Variants in DZANK1 observed in about 807,000 individuals in gnomAD.
DZANK1 encodes double zinc ribbon and ankyrin repeat domains 1.
In DZANK1, 91 loss-of-function variants were observed where a neutral mutation model predicts 94.5. The ratio of observed to expected loss-of-function variants is 0.96; its 90% confidence interval spans 0.81 to 1.15. The LOEUF (loss-of-function observed/expected upper bound fraction) is 1.15, where lower values mean the gene tolerates loss of function less well. Ranked by LOEUF, DZANK1 falls within the 50% of genes most tolerant of loss-of-function variation. The pLI, the probability that DZANK1 is intolerant of heterozygous loss-of-function variation, is 0.00. For synonymous variants in DZANK1, 312 were observed against 325.3 expected, an observed-to-expected ratio of 0.96 and a Z score of 0.44; for missense variants, 903 against 916.4, an observed-to-expected ratio of 0.99 and a Z score of 0.19.
At chr20:18,461,158 T>G (rs1029797706) in intron 2 of DZANK1, among the ~76,000 whole-genome samples, 1 of 152,224 alleles carries the variant, frequency 6.6e-6, no homozygotes, top group Non-Finnish European at 1.5e-5. Context: ...CCAGAGGTTA[T>G]CAATGGTATC....
At chr20:18,406,526 G>A (rs1469947485) in intron 13 of DZANK1, among the ~76,000 whole-genome samples, 2 of 152,228 alleles carry the variant, frequency 1.3e-5, no homozygotes, top group Non-Finnish European at 2.9e-5. Flanking sequence ...AGGGCCCCTG[G>A]GCCCAAATAA....
rs138025737 is a variant in DZANK1 at position 18,400,402 on chromosome 20, C to T, written c.1433-1776G>A. ...CAGAGAAGCTAGGGGATCTGCTCCC[C>T]GGCTCCCTTGCCCATGAGTGAGGGC... On this transcript the variant is annotated intron_variant, in intron 13 of 20. Coordinates refer to ENST00000262547, the Ensembl canonical transcript of DZANK1. Among the ~76,000 whole-genome samples, 344 of 152,312 alleles carry T rather than the reference C, an allele frequency of 2.3e-3. 3 individuals carry two copies. The highest frequency in any genetic ancestry group is 6.4e-3 in the African/African-American group (267 of 41,576).
chr20:18,435,034 T>C (rs141241654), intron 8 of DZANK1, among the ~76,000 whole-genome samples: 108 of 152,180 alleles, frequency 7.1e-4, no homozygotes, highest in African/African-American at 2.3e-3. Flanking sequence ...ATAAGCAACA[T>C]AAACCAGAGT....
chr20:18,395,858 T>A lies in DZANK1; in HGVS notation c.1611+614A>T, dbSNP rs75497941. Among the ~76,000 whole-genome samples the A allele has an allele frequency of 5.9e-5, 9 of 152,330 alleles. No homozygotes were observed. In the East Asian group the frequency reaches 1.7e-3, roughly 29 times the overall value. On this transcript the variant is annotated intron_variant, in intron 15 of 20. Coordinates refer to ENST00000262547, the Ensembl canonical transcript of DZANK1. The stretch of plus-strand genomic sequence containing the variant: ...AAGCACATTCATGTGCATTAGCTCG[T>A]TAGATACTCCCAGCCTCCCCATGAG...
chr20:18,417,939 A>C lies in DZANK1; in HGVS notation c.955-2490T>G, dbSNP rs1057020925. On this transcript the variant is annotated intron_variant, in intron 10 of 20. Coordinates refer to ENST00000262547, the Ensembl canonical transcript of DZANK1. ...CATGTCTACTAAAAATACAAACATT[A>C]GCCGGGCGTGGTGGCACATGCTTGT... Among the ~76,000 whole-genome samples, 3 of 152,120 alleles carry C rather than the reference A, an allele frequency of 2.0e-5. No homozygotes were observed. In the South Asian group the frequency reaches 6.2e-4, roughly 32 times the overall value.
intron 14 of DZANK1, among the ~76,000 whole-genome samples, chr20:18,397,196 TTTGCAGATCTC>T (rs2056391553): frequency 6.6e-6 from 1 of 152,340 alleles, no homozygotes; most frequent in African/African-American, 2.4e-5. Flanking sequence ...ACCGCCACAG[TTTGCAGATCTC>T]TGGATTAGGC....
At chr20:18,385,761 G>C (rs2048448085) in intron 19 of DZANK1, among the ~76,000 whole-genome samples, 1 of 152,090 alleles carries the variant, frequency 6.6e-6, no homozygotes, top group Non-Finnish European at 1.5e-5. Flanking sequence ...TCCTATTTTT[G>C]TGTGGGGAAA....
intron 17 of DZANK1, among the ~76,000 whole-genome samples, chr20:18,390,667 A>G (rs547733157): frequency 6.6e-6 from 1 of 152,342 alleles, no homozygotes; most frequent in South Asian, 2.1e-4. Context: ...TGCTTCAGGC[A>G]AGGTTACCGC....
At chr20:18,456,133 T>C (rs1370621678) in intron 3 of DZANK1, among the ~76,000 whole-genome samples, 1 of 152,206 alleles carries the variant, frequency 6.6e-6, no homozygotes, top group African/African-American at 2.4e-5. Flanking sequence ...CCTCAAACTA[T>C]TCTAAAACAA....
intron 10 of DZANK1, among the ~76,000 whole-genome samples, chr20:18,425,796 A>G (rs2058015708): frequency 6.6e-6 from 1 of 152,212 alleles, no homozygotes; most frequent in East Asian, 1.9e-4. Context: ...AGGCAGACAC[A>G]GAGGGAGAGC....
At chr20:18,419,980 C>A (rs2057700079) in intron 10 of DZANK1, among the ~76,000 whole-genome samples, 1 of 151,352 alleles carries the variant, frequency 6.6e-6, no homozygotes, top group African/African-American at 2.4e-5. Context: ...GAAATTATAA[C>A]ACCTTTCTAG....
At chr20:18,416,087 G>A (rs1365982955) in intron 10 of DZANK1, among the ~76,000 whole-genome samples, 2 of 152,178 alleles carry the variant, frequency 1.3e-5, no homozygotes, top group Admixed American at 1.3e-4. Flanking sequence ...TTCCCACACT[G>A]CCCTGCACCC....
At chr20:18,435,758 A>G (rs1052832127) in intron 8 of DZANK1, among the ~76,000 whole-genome samples, 32 of 151,776 alleles carry the variant, frequency 2.1e-4, no homozygotes, top group Admixed American at 4.6e-4. Context: ...ACTTAAAAGT[A>G]TAATTAAAAA....
intron 14 of DZANK1, among the ~76,000 whole-genome samples, chr20:18,398,054 A>T (rs919898961): frequency 2.0e-5 from 3 of 151,998 alleles, no homozygotes; most frequent in Non-Finnish European, 2.9e-5. Context: ...ATTTGTGGTT[A>T]TTTTTTTTAA....
At chr20:18,442,163 A>G (rs552831032) in intron 8 of DZANK1, among the ~76,000 whole-genome samples, 110 of 152,350 alleles carry the variant, frequency 7.2e-4, no homozygotes, top group African/African-American at 2.6e-3. Context: ...CTGGGGGGCA[A>G]TCTAGGTGTT....
rs1421424861 is a variant in DZANK1, at chr20:18,429,110, T to A, written c.862-1951A>T. On this transcript the variant is annotated intron_variant, in intron 9 of 20. Transcript: ENST00000262547. ...ATGAGATTTAGGGCTGTGACTTTCC[T>A]GAAAATGTTGCCTCAGAAAAGATCT... is the stretch of plus-strand genomic sequence containing the variant. 2.0e-5 allele frequency among the ~76,000 whole-genome samples: 3 copies of A among 152,346 alleles called. No homozygotes were observed. In the South Asian group the frequency reaches 6.2e-4, roughly 32 times the overall value.
intron 7 of DZANK1, 118 bp downstream of exon 7, chr20:18,448,866 C>CAAA (rs1204337584): frequency 3.0e-4 from 141 of 472,860 alleles, no homozygotes; most frequent in Admixed American, 2.0e-3. Context: ...GACTCCGTCT[C>CAAA]AAAAAAAAAA....
At chr20:18,434,019 C>A in intron 8 of DZANK1, 1 of 400,426 alleles carries the variant, frequency 2.5e-6, no homozygotes, top group East Asian at 4.3e-5. Flanking sequence ...GACCACTACA[C>A]ATTATTTGTA....
At position 18,448,833 on chromosome 20, in the gene DZANK1, C is replaced by G. The variant is rs537529425; in HGVS notation, c.629+151G>C. The G allele has an allele frequency of 3.4e-5, 22 of 640,518 alleles. No homozygotes were observed. The East Asian group carries it at 6.1e-4, about 18-fold the overall frequency. 39.7% of individuals were successfully genotyped at this position (640,518 alleles called of 1,614,324 possible). On this transcript the variant is annotated intron_variant, in intron 7 of 20. Transcript: ENST00000262547. ...AGTGAGCCAAAACTGCACCACCGCA[C>G]TCCAGCCAGGGTGACAGAGTGAGAC...
Sources: allele counts gnomAD v4.1 joint callset (sites outside exome capture counted in the v4.1 genomes callset), GRCh38; gene constraint gnomAD v4.1.1; transcripts MANE v1.5; gene names NCBI Gene and HGNC (gene_info 2026-07-23, HGNC 2026-07-21).